Variants in PPARGC1A observed in about 807,000 individuals in gnomAD.
The protein encoded by PPARGC1A is PPARG coactivator 1 alpha, also known as peroxisome proliferator-activated receptor gamma coactivator 1-alpha.
PPARGC1A carries 25 observed loss-of-function variants against 88.7 expected under a neutral mutation model. The observed-to-expected ratio is 0.28, with a 90% CI of 0.21 to 0.39. The LOEUF is 0.39. PPARGC1A is among the 10% of genes least tolerant of loss of function. The pLI, the probability that PPARGC1A is intolerant of heterozygous loss-of-function variation, is 1.00. For synonymous variants in PPARGC1A, 363 were observed against 355.6 expected, an observed-to-expected ratio of 1.02 and a Z score of -0.24; for missense variants, 880 against 968.7, an observed-to-expected ratio of 0.91 and a Z score of 1.22.
chr4:23,797,686 A>G (rs2109313647), intron 12 of PPARGC1A, among the ~76,000 whole-genome samples: 1 of 151,040 alleles, frequency 6.6e-6, no homozygotes, highest in African/African-American at 2.4e-5. Flanking sequence ...CCACTTATAC[A>G]GGCACACTGT....
At chr4:24,020,592 G>A in the PPARGC1A span, among the ~76,000 whole-genome samples, 1 of 152,144 alleles carries the variant, frequency 6.6e-6, no homozygotes, top group Non-Finnish European at 1.5e-5. Flanking sequence ...GCAAGGAGAT[G>A]GGCTCCCCTT....
the PPARGC1A span, among the ~76,000 whole-genome samples, chr4:24,467,034 AAGAG>A: frequency 9.4e-4 from 106 of 112,338 alleles, 1 homozygote; most frequent in Admixed American, 2.2e-3. Context: ...AAGAAAGAGA[AAGAG>A]AGAGAGAGAG....
At chr4:24,211,634 G>A in the PPARGC1A span, among the ~76,000 whole-genome samples, 3 of 152,134 alleles carry the variant, frequency 2.0e-5, no homozygotes, top group African/African-American at 7.2e-5. Context: ...GATCTGGAGT[G>A]AGATGGACTG....
the PPARGC1A span, among the ~76,000 whole-genome samples, chr4:24,406,378 G>A: frequency 5.3e-5 from 8 of 152,148 alleles, no homozygotes; most frequent in African/African-American, 1.2e-4. Flanking sequence ...TTCTGGCGAG[G>A]TGTCTTCTTT....
At chr4:23,993,332 A>G in the PPARGC1A span, among the ~76,000 whole-genome samples, 1 of 152,140 alleles carries the variant, frequency 6.6e-6, no homozygotes, top group South Asian at 2.1e-4. Flanking sequence ...TAACCCCTGT[A>G]ATGTATAGAG....
At position 23,795,366 on chromosome 4, in the gene PPARGC1A, T is replaced by C. The variant is rs924691765; in HGVS notation, c.*456A>G. The C allele has an allele frequency of 6.7e-6, 1 of 149,486 alleles. No individual in the cohort carries two copies. The highest frequency in any genetic ancestry group is 6.7e-5 in the Admixed American group (1 of 14,842). 9.3% of individuals were successfully genotyped at this position (149,486 alleles called of 1,614,324 possible). On this transcript the variant is annotated 3_prime_UTR_variant, in exon 13 of 13. Coordinates refer to ENST00000264867, the MANE Select transcript of PPARGC1A (RefSeq NM_013261.5). ...ATAGAATACGAACATTTTGAAGTTC[T>C]AGGTTTTAAGCGTGTCTTCATGGAA...
chr4:23,989,949 C>T, the PPARGC1A span, among the ~76,000 whole-genome samples: 18 of 148,438 alleles, frequency 1.2e-4, no homozygotes, highest in East Asian at 2.8e-3. Flanking sequence ...TTTGTACCTA[C>T]CATGAATGCT....
At chr4:24,430,482 C>T in the PPARGC1A span, among the ~76,000 whole-genome samples, 66 of 151,838 alleles carry the variant, frequency 4.3e-4, no homozygotes, top group African/African-American at 1.4e-3. Context: ...AGGATGGTCT[C>T]GATCTCCTGA....
At chr4:24,437,594 T>TG in the PPARGC1A span, among the ~76,000 whole-genome samples, 5 of 143,754 alleles carry the variant, frequency 3.5e-5, no homozygotes, top group Admixed American at 6.9e-5. Context: ...GCACAGGTTT[T>TG]TTGTTGTTGT....
At chr4:24,372,433 G>A in the PPARGC1A span, among the ~76,000 whole-genome samples, 13 of 152,118 alleles carry the variant, frequency 8.5e-5, no homozygotes, top group Non-Finnish European at 1.8e-4. Context: ...CTAGGGTTGA[G>A]GATCTCCAGC....
the PPARGC1A span, among the ~76,000 whole-genome samples, chr4:24,261,074 G>A: frequency 1.3e-5 from 2 of 152,108 alleles, no homozygotes; most frequent in African/African-American, 4.8e-5. Context: ...TCGCTGGCCT[G>A]TTTTCATGAA....
the PPARGC1A span, among the ~76,000 whole-genome samples, chr4:24,406,696 CA>C: frequency 1.3e-5 from 2 of 152,118 alleles, no homozygotes; most frequent in African/African-American, 4.8e-5. Flanking sequence ...TCAAGGTCTC[CA>C]AAATGTTGAG....
At chr4:24,315,831 A>T in the PPARGC1A span, among the ~76,000 whole-genome samples, 2 of 152,186 alleles carry the variant, frequency 1.3e-5, no homozygotes, top group Non-Finnish European at 2.9e-5. Context: ...GGCTCGCATC[A>T]TTTGTAGATT....
At chr4:24,389,028 G>T in the PPARGC1A span, among the ~76,000 whole-genome samples, 2 of 152,106 alleles carry the variant, frequency 1.3e-5, no homozygotes, top group African/African-American at 2.4e-5. Context: ...AAGAAATAAA[G>T]ATGGCAGACA....
chr4:23,817,067 C>T (rs1052795308), intron 7 of PPARGC1A, among the ~76,000 whole-genome samples: 1 of 152,122 alleles, frequency 6.6e-6, no homozygotes, highest in Non-Finnish European at 1.5e-5. Context: ...CCGCACGCCA[C>T]TTTGTACTCT....
chr4:24,157,254 C>A, the PPARGC1A span, among the ~76,000 whole-genome samples: 1 of 152,328 alleles, frequency 6.6e-6, no homozygotes, highest in East Asian at 1.9e-4. Flanking sequence ...CATCATGGGT[C>A]AACTGCTCTG....
At chr4:23,939,461 C>A in the PPARGC1A span, among the ~76,000 whole-genome samples, 1 of 152,174 alleles carries the variant, frequency 6.6e-6, no homozygotes, top group African/African-American at 2.4e-5. Context: ...TAACAACTAT[C>A]TTTTATTTCA....
chr4:23,849,288 TG>T (rs1395371174), intron 2 of PPARGC1A, among the ~76,000 whole-genome samples: 2 of 152,234 alleles, frequency 1.3e-5, no homozygotes, highest in African/African-American at 4.8e-5. Context: ...GTTTTCAAAA[TG>T]TTATGCTGGC....
the PPARGC1A span, among the ~76,000 whole-genome samples, chr4:24,186,654 C>T: frequency 6.6e-6 from 1 of 152,024 alleles, no homozygotes; most frequent in Admixed American, 6.6e-5. Flanking sequence ...TCTATTATGG[C>T]GCAATAGTCT....
Sources: allele counts gnomAD v4.1 joint callset (sites outside exome capture counted in the v4.1 genomes callset), GRCh38; gene constraint gnomAD v4.1.1; transcripts MANE v1.5; gene names NCBI Gene and HGNC (gene_info 2026-07-23, HGNC 2026-07-21).